Variants in RANBP2 observed in about 807,000 individuals in gnomAD.
RANBP2 encodes E3 SUMO-protein ligase RanBP2.
RANBP2 carries 57 observed loss-of-function variants against 303.6 expected under a neutral mutation model. The observed-to-expected ratio is 0.19, with a 90% CI of 0.15 to 0.23. The LOEUF is 0.23. RANBP2 is among the 10% of genes least tolerant of loss of function. The pLI, the probability that RANBP2 is intolerant of heterozygous loss-of-function variation, is 1.00. For missense variants in RANBP2, 3,138 were observed against 3,780.8 expected, an observed-to-expected ratio of 0.83 and a Z score of 4.46; for synonymous variants, 1,167 against 1,301.5, an observed-to-expected ratio of 0.90 and a Z score of 2.23.
the RANBP2 span, among the ~76,000 whole-genome samples, chr2:109,641,542 C>T: frequency 6.6e-6 from 1 of 152,132 alleles, no homozygotes; most frequent in Non-Finnish European, 1.5e-5. Context: ...CTACAGTAGT[C>T]AAATTCATAG....
the RANBP2 span, chr2:108,897,114 G>A: frequency 1.6e-5 from 26 of 1,613,972 alleles, no homozygotes; most frequent in Non-Finnish European, 2.1e-5. Flanking sequence ...TCAGGCCGAA[G>A]CTCTCGGCGA....
chr2:109,148,857 G>T, the RANBP2 span, among the ~76,000 whole-genome samples: 1 of 151,750 alleles, frequency 6.6e-6, no homozygotes. Context: ...TTTTTAAAAA[G>T]TATTTTAGGT....
chr2:109,624,220 C>T, the RANBP2 span, among the ~76,000 whole-genome samples: 11 of 152,266 alleles, frequency 7.2e-5, no homozygotes, highest in African/African-American at 2.2e-4. Context: ...GCAAGCAGAG[C>T]GGAGCAGGTA....
the RANBP2 span, among the ~76,000 whole-genome samples, chr2:109,459,265 TAGG>T: frequency 6.6e-6 from 1 of 152,060 alleles, no homozygotes; most frequent in Non-Finnish European, 1.5e-5. Context: ...CTTAACAAAA[TAGG>T]AGGAAATACT....
the RANBP2 span, among the ~76,000 whole-genome samples, chr2:109,257,905 G>C: frequency 6.6e-6 from 1 of 152,058 alleles, no homozygotes; most frequent in Non-Finnish European, 1.5e-5. Flanking sequence ...CCAGGGCCAG[G>C]GCTGTCCTGG....
chr2:109,615,352 C>T, the RANBP2 span: 3 of 1,612,670 alleles, frequency 1.9e-6, no homozygotes, highest in South Asian at 3.3e-5. Context: ...GGCTTGCTCA[C>T]CTGCGAGCCC....
chr2:109,196,957 CT>C, the RANBP2 span, among the ~76,000 whole-genome samples: 1 of 152,218 alleles, frequency 6.6e-6, no homozygotes, highest in Non-Finnish European at 1.5e-5. Flanking sequence ...CAGTGCGCCC[CT>C]GTGCTGGGCA....
At chr2:108,816,245 G>GT in the RANBP2 span, 2 of 595,210 alleles carry the variant, frequency 3.4e-6, no homozygotes, top group South Asian at 2.4e-5. Flanking sequence ...GAGGTCAGGA[G>GT]TTTAAGACCA....
At chr2:109,097,898 T>C in the RANBP2 span, among the ~76,000 whole-genome samples, 1 of 152,102 alleles carries the variant, frequency 6.6e-6, no homozygotes, top group African/African-American at 2.4e-5. Flanking sequence ...CAGCATGTCT[T>C]CCTGTCTCAC....
chr2:108,884,588 T>C, the RANBP2 span: 1 of 152,234 alleles, frequency 6.6e-6, no homozygotes, highest in African/African-American at 2.4e-5. Flanking sequence ...GTATTTCATG[T>C]AGGAACCTGT....
chr2:109,716,287 T>C, the RANBP2 span, among the ~76,000 whole-genome samples: 1 of 152,184 alleles, frequency 6.6e-6, no homozygotes, highest in Non-Finnish European at 1.5e-5. Context: ...GATCTTGCTC[T>C]GTTGCCCAGG....
the RANBP2 span, among the ~76,000 whole-genome samples, chr2:109,361,966 C>G: frequency 1.3e-5 from 2 of 151,980 alleles, no homozygotes; most frequent in Non-Finnish European, 2.9e-5. Context: ...CTCTGTTTTT[C>G]TTAGTTTGCT....
chr2:109,437,249 G>A, the RANBP2 span: 12 of 1,440,928 alleles, frequency 8.3e-6, no homozygotes, highest in Admixed American at 2.7e-5. Context: ...GTGCATGTGT[G>A]GCTGGTGGCA....
the RANBP2 span, among the ~76,000 whole-genome samples, chr2:109,663,114 C>T: frequency 3.1e-4 from 47 of 152,324 alleles, no homozygotes; most frequent in South Asian, 9.1e-3. Context: ...GGACAACTAG[C>T]TTTCCCTGAA....
the RANBP2 span, among the ~76,000 whole-genome samples, chr2:109,197,515 TC>T: frequency 0.042 from 6,315 of 152,046 alleles, 407 homozygotes; most frequent in African/African-American, 0.14. Flanking sequence ...TACTCAGGAG[TC>T]AGATGCCCAT....
At chr2:109,505,306 T>G in the RANBP2 span, among the ~76,000 whole-genome samples, 1 of 152,230 alleles carries the variant, frequency 6.6e-6, no homozygotes, top group East Asian at 1.9e-4. Flanking sequence ...ACTGTTCTCT[T>G]GGCTGAGACA....
the RANBP2 span, among the ~76,000 whole-genome samples, chr2:109,383,405 C>A: frequency 1.3e-5 from 2 of 152,206 alleles, no homozygotes; most frequent in Non-Finnish European, 2.9e-5. Flanking sequence ...TGCTGCCTCA[C>A]CCTTAGTTCT....
chr2:109,755,252 GT>G, the RANBP2 span, among the ~76,000 whole-genome samples: 2 of 140,206 alleles, frequency 1.4e-5, no homozygotes, highest in Non-Finnish European at 3.1e-5. Flanking sequence ...AAAATCAGAG[GT>G]TTTCATTTGA....
chr2:109,395,909 A>C, the RANBP2 span, among the ~76,000 whole-genome samples: 1 of 152,168 alleles, frequency 6.6e-6, no homozygotes, highest in African/African-American at 2.4e-5. Flanking sequence ...ACCAACTCAA[A>C]AGGGTCACAG....
Sources: allele counts gnomAD v4.1 joint callset (sites outside exome capture counted in the v4.1 genomes callset), GRCh38; gene constraint gnomAD v4.1.1; transcripts MANE v1.5; gene names NCBI Gene and HGNC (gene_info 2026-07-23, HGNC 2026-07-21).